The following MDGA2 variants were observed in gnomAD, a reference collection of about 807,000 sequenced individuals.
The protein encoded by MDGA2 is MAM domain-containing glycosylphosphatidylinositol anchor protein 2.
In MDGA2, 40 loss-of-function variants were observed where a neutral mutation model predicts 117.8. The observed-to-expected ratio is 0.34, with a 90% CI of 0.26 to 0.44. The LOEUF (loss-of-function observed/expected upper bound fraction) is 0.44. Among genes scored for constraint, MDGA2 ranks in the 20% least tolerant of loss-of-function variants. MDGA2 has a pLI of 1.00. For synonymous variants in MDGA2, 452 were observed against 439.0 expected (o/e 1.03, Z -0.37); for missense variants, 1,123 against 1,250.6 (o/e 0.90, Z 1.54).
chr14:46,989,075 C>T (rs12586880), intron 8 of MDGA2, among the ~76,000 whole-genome samples: 95,793 of 151,816 alleles, frequency 0.63, 30,703 homozygotes, highest in South Asian at 0.7. Flanking sequence ...TTTACATGAA[C>T]AAAAAATTAC....
chr14:47,057,024 A>C (rs536967439), intron 7 of MDGA2, among the ~76,000 whole-genome samples: 3 of 152,138 alleles, frequency 2.0e-5, no homozygotes, highest in Non-Finnish European at 4.4e-5. Flanking sequence ...ATATAGCTTC[A>C]GTAATAAAAA....
At chr14:46,951,219 T>TA (rs1885360565) in intron 9 of MDGA2, among the ~76,000 whole-genome samples, 1 of 151,968 alleles carries the variant, frequency 6.6e-6, no homozygotes, top group Non-Finnish European at 1.5e-5. Flanking sequence ...GGAAAGGGAT[T>TA]AAACTATGAA....
chr14:47,370,401 T>C (rs1891320921), intron 1 of MDGA2, among the ~76,000 whole-genome samples: 1 of 146,626 alleles, frequency 6.8e-6, no homozygotes, highest in Non-Finnish European at 1.5e-5. Flanking sequence ...CCCTCTCTTA[T>C]GAAAAGAAAG....
intron 8 of MDGA2, among the ~76,000 whole-genome samples, chr14:47,000,377 T>TATA (rs1566567792): frequency 7.7e-4 from 77 of 100,008 alleles, no homozygotes; most frequent in African/African-American, 2.3e-3. Context: ...ATATATATAT[T>TATA]TATATATATA....
chr14:47,456,630 T>C (rs867329707), intron 1 of MDGA2, among the ~76,000 whole-genome samples: 26 of 152,202 alleles, frequency 1.7e-4, no homozygotes, highest in Middle Eastern at 3.4e-3. Context: ...AAGAGTTATA[T>C]AGGTGTGAAA....
intron 5 of MDGA2, among the ~76,000 whole-genome samples, chr14:47,126,290 T>C (rs1430401430): frequency 6.6e-6 from 1 of 151,958 alleles, no homozygotes; most frequent in Non-Finnish European, 1.5e-5. Flanking sequence ...CAAAACAACT[T>C]CTAGACCCTC....
At chr14:47,476,640 T>C (rs141751762) in intron 1 of MDGA2, among the ~76,000 whole-genome samples, 1 of 152,180 alleles carries the variant, frequency 6.6e-6, no homozygotes, top group African/African-American at 2.4e-5. Context: ...GTTTATCATT[T>C]AGCATGAGAT....
In MDGA2 at chr14:46,917,175, G is replaced by A. The variant is rs547835702; in HGVS notation, c.2238+2837C>T. Among the ~76,000 whole-genome samples the A allele has an allele frequency of 5.3e-5, 8 of 151,768 alleles. 1 individual carries two copies. In the South Asian group the frequency reaches 1.5e-3, roughly 28 times the overall value. ...GACAATAGGTTTGAAATGAAAATGAGACATAATAAAAAAAGGTCTAGAAAT... is the reference window on the plus strand; with the variant it reads ...GACAATAGGTTTGAAATGAAAATGAAACATAATAAAAAAAGGTCTAGAAAT... On this transcript the variant is annotated intron_variant, in intron 10 of 16. Transcript: ENST00000399232.
chr14:47,359,125 G>A (rs1891057398), intron 1 of MDGA2, among the ~76,000 whole-genome samples: 1 of 152,200 alleles, frequency 6.6e-6, no homozygotes, highest in Non-Finnish European at 1.5e-5. Context: ...GGAGGCCAAG[G>A]CAGGTGGATC....
rs200601179 is a variant in MDGA2 at position 46,853,345 on chromosome 14, C to A, written c.2883+1679G>T. 2.0e-5 allele frequency among the ~76,000 whole-genome samples: 3 copies of A among 151,798 alleles called. No individual in the cohort carries two copies. The East Asian group carries it at 5.8e-4, about 29-fold the overall frequency. On this transcript the variant is annotated intron_variant, in intron 15 of 16. Transcript: ENST00000399232. ...AATTTTATGTATGTGTGATTGAAAT[C>A]TTCGAAGGAGAAGAGGAGAAAAACC...
chr14:47,467,459 T>C (rs887000895), intron 1 of MDGA2, among the ~76,000 whole-genome samples: 1 of 152,118 alleles, frequency 6.6e-6, no homozygotes, highest in East Asian at 1.9e-4. Flanking sequence ...GACTGTCACC[T>C]TTCACCCTCC....
chr14:47,198,620 A>G (rs1291103660), intron 3 of MDGA2, among the ~76,000 whole-genome samples: 1 of 152,208 alleles, frequency 6.6e-6, no homozygotes, highest in Non-Finnish European at 1.5e-5. Flanking sequence ...CTATAAATGA[A>G]TACAATTATG....
chr14:46,919,214 T>C (rs1172691855), intron 10 of MDGA2, among the ~76,000 whole-genome samples: 1 of 152,190 alleles, frequency 6.6e-6, no homozygotes, highest in East Asian at 1.9e-4. Context: ...TCAAAAGATT[T>C]TTCTGTGATA....
rs1898164180 is a variant in MDGA2 at position 47,675,330 on chromosome 14, AGGAAGAGGAGGAGG to A, written c.-548_-535del. Among the ~76,000 whole-genome samples, 1 of 134,418 alleles carries A rather than the reference AGGAAGAGGAGGAGG, an allele frequency of 7.4e-6. No individual in the cohort carries two copies. Among genetic ancestry groups the A allele is most frequent in the Admixed American group, 7.5e-5 (1 of 13,344 alleles). The allele number at this position is 134,418 out of a possible 152,430, so 88.2% of individuals were successfully genotyped here. On this transcript the variant is annotated 5_prime_UTR_variant, in exon 1 of 17. Transcript: ENST00000399232. ...CGGGGAGAGGAGGAAGAGGAGGAGG[AGGAAGAGGAGGAGG>A]AGGAAGAGGAGGAGTGGGGCTAGGG...
chr14:47,661,025 T>G (rs1897835929), intron 1 of MDGA2, among the ~76,000 whole-genome samples: 1 of 152,182 alleles, frequency 6.6e-6, no homozygotes, highest in Non-Finnish European at 1.5e-5. Flanking sequence ...TACATATACT[T>G]CGCATGTGAC....
chr14:47,164,404 A>C (rs1319399656), intron 3 of MDGA2, among the ~76,000 whole-genome samples: 1 of 152,228 alleles, frequency 6.6e-6, no homozygotes, highest in Non-Finnish European at 1.5e-5. Flanking sequence ...CAAATTTACA[A>C]GAAAAAAACA....
At chr14:47,597,845 TACACACACACACACAC>T (rs35221587) in intron 1 of MDGA2, among the ~76,000 whole-genome samples, 7 of 141,290 alleles carry the variant, frequency 5.0e-5, no homozygotes, top group African/African-American at 1.1e-4. Context: ...CACACACACA[TACACACACACACACAC>T]ACACACACAC....
intron 2 of MDGA2, among the ~76,000 whole-genome samples, chr14:47,243,293 A>G (rs1307068439): frequency 6.6e-6 from 1 of 151,614 alleles, no homozygotes; most frequent in Non-Finnish European, 1.5e-5. Flanking sequence ...AAACACACCA[A>G]TCAGCACCCT....
At chr14:47,311,650 T>C (rs997118966) in intron 1 of MDGA2, among the ~76,000 whole-genome samples, 1 of 152,158 alleles carries the variant, frequency 6.6e-6, no homozygotes, top group African/African-American at 2.4e-5. Flanking sequence ...TCATGGACTG[T>C]AAACTTAGTA....
Sources: allele counts gnomAD v4.1 joint callset (sites outside exome capture counted in the v4.1 genomes callset), GRCh38; gene constraint gnomAD v4.1.1; transcripts MANE v1.5; gene names NCBI Gene and HGNC (gene_info 2026-07-23, HGNC 2026-07-21).